EED: variants seen among roughly 807,000 people sequenced by gnomAD.
EED encodes the protein polycomb protein EED.
Under a neutral mutation model 61.0 loss-of-function variants are expected in EED, and 9 were observed. That is an observed-to-expected ratio of 0.15 (90% CI 0.09 to 0.26). The LOEUF (loss-of-function observed/expected upper bound fraction) is 0.26. EED is among the 10% of genes least tolerant of loss of function. The pLI, the probability that EED is intolerant of heterozygous loss-of-function variation, is 1.00. For synonymous variants in EED, 187 were observed against 174.4 expected (o/e 1.07, Z -0.57); for missense variants, 315 against 542.3 (o/e 0.58, Z 4.16).
chr11:86,247,746 A>C (rs908739069), intron 1 of EED, among the ~76,000 whole-genome samples: 4 of 152,252 alleles, frequency 2.6e-5, no homozygotes, highest in Non-Finnish European at 4.4e-5. Context: ...AGAAAAGATA[A>C]GGGCAATAGT....
At chr11:86,275,841 T>C (rs1446119315) in intron 9 of EED, among the ~76,000 whole-genome samples, 1 of 152,172 alleles carries the variant, frequency 6.6e-6, no homozygotes, top group African/African-American at 2.4e-5. Context: ...AAAACTTGAA[T>C]AATAGATGTC....
At position 86,278,004 on chromosome 11, in the gene EED, A is replaced by G. The variant is rs766589377; in HGVS notation, c.1199+13A>G. 6.7e-6 allele frequency: 10 copies of G among 1,501,620 alleles called. No individual in the cohort carries two copies. The East Asian group carries it at 2.2e-4, about 34-fold the overall frequency. 93.0% of individuals were successfully genotyped at this position (1,501,620 alleles called of 1,614,324 possible). ...CTCATAAAGCCAAGTAAGTATTTAG[A>G]AATTTCTGTTCAAAATTTCAGGCTT... On this transcript the variant is annotated intron_variant, in intron 11 of 11. Transcript: ENST00000263360.
chr11:86,245,168 T>G lies in EED; in HGVS notation c.-62T>G, dbSNP rs1342200275. The G allele has an allele frequency of 7.0e-7, 1 of 1,419,372 alleles. No individual in the cohort carries two copies. Among genetic ancestry groups the G allele is most frequent in the Non-Finnish European group, 9.8e-7 (1 of 1,020,022 alleles). 87.9% of individuals were successfully genotyped at this position (1,419,372 alleles called of 1,614,324 possible). A position where few individuals can be genotyped will look rare whatever the true frequency, so the allele number is the denominator to read the frequency against. On this transcript the variant is annotated 5_prime_UTR_variant, in exon 1 of 12. Transcript: ENST00000263360. ...GCGGCAAGCTCGGGCCGGGCTTGCT[T>G]GACGGCGGTGTGGCGGAGGCCCCGC...
chr11:86,250,497 T>G, intron 2 of EED, 49 bp downstream of exon 2: 1 of 1,459,234 alleles, frequency 6.9e-7, no homozygotes, highest in South Asian at 1.5e-5. Flanking sequence ...CTTCAGAAAT[T>G]ATTTCTCTGT....
chr11:86,279,845 G>GT (rs1174328350), downstream of EED, among the ~76,000 whole-genome samples: 5 of 152,080 alleles, frequency 3.3e-5, no homozygotes, highest in Non-Finnish European at 5.9e-5. Flanking sequence ...CGCTTCAATT[G>GT]TTTTTTAGAA....
intron 1 of EED, among the ~76,000 whole-genome samples, chr11:86,248,700 C>T (rs1945450054): frequency 1.3e-5 from 2 of 152,066 alleles, no homozygotes; most frequent in Non-Finnish European, 2.9e-5. Flanking sequence ...ACAAAATTTA[C>T]ATGTCTATCA....
intron 9 of EED, among the ~76,000 whole-genome samples, chr11:86,270,544 A>G (rs989241449): frequency 2.0e-5 from 3 of 152,002 alleles, no homozygotes; most frequent in Non-Finnish European, 2.9e-5. Flanking sequence ...TGATTTTTTA[A>G]AATTATTTTA....
chr11:86,277,433 G>T (rs1482773504), intron 10 of EED: 3 of 222,934 alleles, frequency 1.3e-5, no homozygotes, highest in Non-Finnish European at 2.6e-5. Context: ...ACATTACTAA[G>T]ACTTAATGTT....
At chr11:86,276,237 T>G (rs1946226738) in intron 9 of EED, 2 of 152,342 alleles carry the variant, frequency 1.3e-5, no homozygotes, top group South Asian at 4.1e-4. Flanking sequence ...AGTTTTGCAA[T>G]TTTTTCTCAT....
intron 1 of EED, 45 bp from the exon 2 acceptor site, chr11:86,250,251 C>T (rs760496231): frequency 7.0e-7 from 1 of 1,434,180 alleles, no homozygotes; most frequent in African/African-American, 1.5e-5. Flanking sequence ...CTGCTAAAAA[C>T]AGTATTGCTG....
intron 1 of EED, among the ~76,000 whole-genome samples, chr11:86,247,506 T>C (rs1182117381): frequency 6.6e-6 from 1 of 152,216 alleles, no homozygotes; most frequent in African/African-American, 2.4e-5. Flanking sequence ...AAGTGTAATA[T>C]AAAAATACTT....
Position 86,251,832 on chromosome 11 carries a change from G to T in EED, c.268-316G>T, listed in dbSNP as rs1593723783. 2.6e-5 allele frequency among the ~76,000 whole-genome samples: 4 copies of T among 152,148 alleles called. No individual in the cohort carries two copies. In the South Asian group the frequency reaches 8.3e-4, roughly 31 times the overall value. On this transcript the variant is annotated intron_variant, in intron 2 of 11. Transcript: ENST00000263360. Reference sequence around the variant, plus strand: ...CTTTTGTATCCACCAAAATTATCCAGTTTATTGTGATTCAGAATATGATTG... The same window carrying T: ...CTTTTGTATCCACCAAAATTATCCATTTTATTGTGATTCAGAATATGATTG...
intron 6 of EED, 143 bp downstream of exon 6, chr11:86,257,739 A>G (rs1945714746): frequency 1.6e-6 from 1 of 609,908 alleles, no homozygotes; most frequent in Non-Finnish European, 2.7e-6. Flanking sequence ...AAAACTCACA[A>G]AAAAACACAA....
intron 6 of EED, among the ~76,000 whole-genome samples, chr11:86,262,838 A>G (rs1945868682): frequency 6.7e-6 from 1 of 148,470 alleles, no homozygotes; most frequent in Non-Finnish European, 1.5e-5. Flanking sequence ...TTTTAAAGAC[A>G]GGGTTGGTCT....
At chr11:86,265,865 A>G (rs1010455404) in intron 7 of EED, 1 of 342,022 alleles carries the variant, frequency 2.9e-6, no homozygotes, top group Non-Finnish European at 5.3e-6. Flanking sequence ...TGGTTTATAC[A>G]TTGTAAATGC....
Position 86,277,130 on chromosome 11 carries a change from T to C in EED, c.1117T>C (p.Trp373Arg), listed in dbSNP as rs1946252315. 1.3e-6 allele frequency: 2 copies of C among 1,582,148 alleles called. No homozygotes were observed. The highest frequency in any genetic ancestry group is 1.7e-6 in the Non-Finnish European group (2 of 1,158,692). The change falls in exon 10 of 12, where the codon TGG becomes CGG. Residue 373 changes from tryptophan to arginine, a missense_variant. This residue lies in a region of EED where 205 missense variants were observed against 455.4 expected (regional missense o/e 0.45). Transcript: ENST00000263360. ...GTACATGAGGTTTTCTATGGATTTC[T>C]GGCAAAAGGTATCAACATACTTTTA... ...IWYMRFSMDFWQKMLALGNQV... is the reference protein window; with the variant it reads ...IWYMRFSMDFRQKMLALGNQV...
chr11:86,250,904 A>G (rs1475173198), intron 2 of EED, among the ~76,000 whole-genome samples: 1 of 152,108 alleles, frequency 6.6e-6, no homozygotes, highest in Non-Finnish European at 1.5e-5. Context: ...TTTCAAAGAA[A>G]AAGGTGTAAA....
the EED span, among the ~76,000 whole-genome samples, chr11:86,287,174 G>C: frequency 0.44 from 67,072 of 151,444 alleles, 15,286 homozygotes; most frequent in African/African-American, 0.56. Context: ...AGCCTGCAGT[G>C]TGAAACACAG....
At chr11:86,247,957 T>A (rs563405599) in intron 1 of EED, among the ~76,000 whole-genome samples, 1 of 152,374 alleles carries the variant, frequency 6.6e-6, no homozygotes, top group Admixed American at 6.5e-5. Context: ...TGCAGAGTAG[T>A]TGGCTTCTGC....
Sources: gnomAD v4.1 joint callset for allele counts (sites outside exome capture counted in the v4.1 genomes callset) on GRCh38, gnomAD v4.1.1 for gene constraint, gnomAD v4.1.1 regional missense constraint, MANE v1.5 for transcripts, NCBI Gene and HGNC (gene_info 2026-07-23, HGNC 2026-07-21) for gene names.